Variants in INSR observed in about 807,000 individuals in gnomAD.
INSR encodes insulin receptor.
Under a neutral mutation model 142.6 loss-of-function variants are expected in INSR, and 67 were observed. The observed-to-expected ratio is 0.47, with a 90% CI of 0.39 to 0.58. INSR has a LOEUF of 0.58. INSR is among the 20% of genes least tolerant of loss of function. INSR has a pLI of 0.00. For missense variants in INSR, 1,248 were observed against 1,833.2 expected, an observed-to-expected ratio of 0.68 and a Z score of 5.83; for synonymous variants, 756 against 743.1, an observed-to-expected ratio of 1.02 and a Z score of -0.28.
intron 13 of INSR, among the ~76,000 whole-genome samples, chr19:7,133,191 G>A (rs1330791281): frequency 6.6e-6 from 1 of 152,156 alleles, no homozygotes; most frequent in Non-Finnish European, 1.5e-5. Context: ...GAGCCCAGGA[G>A]GTCAAGGGTG....
intron 2 of INSR, among the ~76,000 whole-genome samples, chr19:7,199,277 G>A (rs1974882229): frequency 6.6e-6 from 1 of 152,136 alleles, no homozygotes. Context: ...GAGAAACCGA[G>A]GCATAGAGGG....
intron 2 of INSR, among the ~76,000 whole-genome samples, chr19:7,264,245 A>ACC (rs1314571488): frequency 6.6e-6 from 1 of 151,836 alleles, no homozygotes; most frequent in African/African-American, 2.4e-5. Context: ...AGGCAGGAAA[A>ACC]TTGCTTGAAC....
At chr19:7,248,259 C>T (rs1399781175) in intron 2 of INSR, among the ~76,000 whole-genome samples, 4 of 150,944 alleles carry the variant, frequency 2.6e-5, no homozygotes, top group Admixed American at 1.3e-4. Context: ...AATCCTCCCA[C>T]CTCAGTCCCC....
intron 2 of INSR, among the ~76,000 whole-genome samples, chr19:7,233,046 C>T (rs962755729): frequency 9.9e-5 from 15 of 151,944 alleles, no homozygotes; most frequent in South Asian, 4.1e-4. Flanking sequence ...AGTGCAGTGG[C>T]GCCACCTCGC....
Position 7,170,671 on chromosome 19 carries a change from T to G in INSR, c.1349A>C (p.Gln450Pro). ...DWSKHNLTIT[Q>P]GKLFFHYNPK... ...GTTATAGTGGAAGAAGAGTTTCCCCTGAGTGATGGTGAGGTTGTGTTTGCT... is the reference window on the plus strand; with the variant it reads ...GTTATAGTGGAAGAAGAGTTTCCCCGGAGTGATGGTGAGGTTGTGTTTGCT... Residue 450 changes from glutamine (Q) to proline (P), a missense_variant, in exon 6 of 22, where the codon CAG (glutamine) becomes CCG (proline). Physicochemically the swap from Gln to Pro is moderately conservative, Grantham distance 76. Coordinates refer to ENST00000302850, the MANE Select transcript of INSR (RefSeq NM_000208.4). 2 of 1,614,004 alleles carry G rather than the reference T, an allele frequency of 1.2e-6. No homozygotes were observed. The highest frequency in any genetic ancestry group is 1.7e-6 in the Non-Finnish European group (2 of 1,179,990).
At position 7,219,585 on chromosome 19, in the gene INSR, AAG is replaced by A. The variant is rs147108302; in HGVS notation, c.653-34950_653-34949del. The stretch of plus-strand genomic sequence containing the variant: ...AGAGAAGGAAGGAAGGAAGGGAGGG[AAG>A]AGAGAGAGAAGGAAGGAAGGGAGGG... On this transcript the variant is annotated intron_variant, in intron 2 of 21. Transcript: ENST00000302850. Among the ~76,000 whole-genome samples, 159 of 112,656 alleles carry A rather than the reference AAG, an allele frequency of 1.4e-3. 1 individual carries two copies. Among genetic ancestry groups the A allele is most frequent in the African/African-American group, 5.1e-3 (143 of 28,110 alleles). The allele number at this position is 112,656 out of a possible 152,430, so 73.9% of individuals were successfully genotyped here.
At chr19:7,167,788 C>T (rs961717280) in intron 7 of INSR, among the ~76,000 whole-genome samples, 180 bp downstream of exon 7, 8 of 151,996 alleles carry the variant, frequency 5.3e-5, no homozygotes, top group Admixed American at 5.3e-4. Context: ...TAAAAGCAGA[C>T]ACTATTGACT....
intron 2 of INSR, among the ~76,000 whole-genome samples, chr19:7,198,175 C>G (rs568011821): frequency 6.6e-6 from 1 of 151,764 alleles, no homozygotes. Flanking sequence ...CACTCCGCTC[C>G]GGGGAATCCG....
intron 17 of INSR, among the ~76,000 whole-genome samples, chr19:7,123,649 G>C (rs1034136443): frequency 4.6e-5 from 7 of 152,148 alleles, no homozygotes; most frequent in African/African-American, 1.7e-4. Context: ...TCAGCTGGGG[G>C]TGGTGGCTTA....
chr19:7,283,662 A>T (rs1439532293), intron 1 of INSR, among the ~76,000 whole-genome samples: 1 of 152,042 alleles, frequency 6.6e-6, no homozygotes, highest in Non-Finnish European at 1.5e-5. Context: ...CTGGTCTCGA[A>T]CTCACCACCT....
rs886054661 is a variant in INSR at position 7,112,707 on chromosome 19, G to A, written c.*4349C>T. On this transcript the variant is annotated 3_prime_UTR_variant, in exon 22 of 22. Coordinates refer to ENST00000302850, the MANE Select transcript of INSR (RefSeq NM_000208.4). The stretch of plus-strand genomic sequence containing the variant: ...CAGATAGAAATTTGGCTGGTGGCTG[G>A]TTCTGGACCTTGACTAGTATCAGAA... The A allele has an allele frequency of 6.6e-6, 1 of 151,992 alleles. No individual in the cohort carries two copies. The highest frequency in any genetic ancestry group is 2.1e-4 in the South Asian group (1 of 4,802). The allele number at this position is 151,992 out of a possible 1,614,324, so 9.4% of individuals were successfully genotyped here.
intron 2 of INSR, among the ~76,000 whole-genome samples, chr19:7,240,443 G>A (rs1031188498): frequency 6.6e-6 from 1 of 152,120 alleles, no homozygotes; most frequent in Non-Finnish European, 1.5e-5. Flanking sequence ...TTAGCCAGGC[G>A]TGGTGGTGCA....
intron 2 of INSR, among the ~76,000 whole-genome samples, chr19:7,259,805 C>A (rs1977003235): frequency 7.0e-6 from 1 of 143,078 alleles, no homozygotes. Flanking sequence ...GACAACAGAG[C>A]GAGACTCTGT....
intron 2 of INSR, among the ~76,000 whole-genome samples, chr19:7,188,968 A>G (rs1035939): frequency 0.7 from 106,609 of 151,722 alleles, 37,664 homozygotes; most frequent in Non-Finnish European, 0.72. Flanking sequence ...GGATGACGTC[A>G]GTAACACATC....
intron 1 of INSR, among the ~76,000 whole-genome samples, chr19:7,273,137 A>G (rs927045112): frequency 1.2e-4 from 18 of 152,200 alleles, no homozygotes; most frequent in Admixed American, 2.6e-4. Context: ...GGTGAATTGT[A>G]TGTCATGTGA....
chr19:7,158,159 C>A (rs1973650093), intron 9 of INSR, among the ~76,000 whole-genome samples: 1 of 151,546 alleles, frequency 6.6e-6, no homozygotes, highest in East Asian at 1.9e-4. Flanking sequence ...TTCCTAGAAT[C>A]CACTGCATGA....
At chr19:7,252,870 C>T (rs536082161) in intron 2 of INSR, among the ~76,000 whole-genome samples, 2 of 152,016 alleles carry the variant, frequency 1.3e-5, no homozygotes, top group South Asian at 2.1e-4. Context: ...AATCCCAGCA[C>T]CCTGGGAGGC....
chr19:7,284,164 G>A (rs979689450), intron 1 of INSR, among the ~76,000 whole-genome samples: 2 of 150,686 alleles, frequency 1.3e-5, no homozygotes, highest in East Asian at 2.0e-4. Flanking sequence ...TCCTAGGCTC[G>A]AGCAATTCTT....
intron 2 of INSR, among the ~76,000 whole-genome samples, chr19:7,261,197 A>G (rs1167053834): frequency 2.6e-5 from 4 of 151,886 alleles, no homozygotes; most frequent in African/African-American, 9.7e-5. Context: ...TGGCTGAACT[A>G]ATGTAGATCT....
Sources: gnomAD v4.1 joint callset for allele counts (sites outside exome capture counted in the v4.1 genomes callset) on GRCh38, gnomAD v4.1.1 for gene constraint, MANE v1.5 for transcripts, NCBI Gene and HGNC (gene_info 2026-07-23, HGNC 2026-07-21) for gene names.